DIAPH3: variants seen among roughly 807,000 people sequenced by gnomAD.
DIAPH3 encodes the protein diaphanous related formin 3, also known as protein diaphanous homolog 3.
A neutral mutation model predicts 144.3 loss-of-function variants in DIAPH3; 117 were observed. That is an observed-to-expected ratio of 0.81 (90% CI 0.70 to 0.95). The LOEUF is 0.95. DIAPH3 is among the 40% of genes least tolerant of loss of function. DIAPH3 has a pLI of 0.00. For synonymous variants in DIAPH3, 519 were observed against 488.9 expected (o/e 1.06, Z -0.81); for missense variants, 1,421 against 1,412.7 (o/e 1.01, Z -0.09).
intron 21 of DIAPH3, among the ~76,000 whole-genome samples, chr13:59,865,995 G>A (rs1264231600): frequency 6.6e-6 from 1 of 151,928 alleles, no homozygotes; most frequent in Non-Finnish European, 1.5e-5. Flanking sequence ...ATCTAGGTAT[G>A]TATCAAAGCA....
At chr13:60,037,388 T>C (rs1392726501) in intron 5 of DIAPH3, among the ~76,000 whole-genome samples, 17 of 151,894 alleles carry the variant, frequency 1.1e-4, no homozygotes, top group Admixed American at 7.9e-4. Flanking sequence ...AGAAAACAGA[T>C]ACACTGAAAT....
chr13:59,737,079 G>T (rs937972295), intron 27 of DIAPH3, among the ~76,000 whole-genome samples: 1 of 152,082 alleles, frequency 6.6e-6, no homozygotes, highest in African/African-American at 2.4e-5. Context: ...TACCATTCAG[G>T]ACATAAGCAC....
chr13:59,938,022 A>C (rs572111839), intron 17 of DIAPH3, among the ~76,000 whole-genome samples: 4 of 152,166 alleles, frequency 2.6e-5, no homozygotes, highest in Admixed American at 2.0e-4. Context: ...TTGATAGCTC[A>C]GTTGGGAATT....
chr13:59,683,763 A>T (rs929935749), intron 27 of DIAPH3, among the ~76,000 whole-genome samples: 2 of 152,136 alleles, frequency 1.3e-5, no homozygotes, highest in African/African-American at 4.8e-5. Context: ...ACTGAGGTTA[A>T]CCTCTTTTTA....
At chr13:59,884,176 C>A (rs137940624) in intron 20 of DIAPH3, among the ~76,000 whole-genome samples, 2 of 152,070 alleles carry the variant, frequency 1.3e-5, no homozygotes, top group African/African-American at 4.8e-5. Flanking sequence ...GAACTATGCA[C>A]GCAAAAGATC....
At chr13:59,805,582 A>G (rs2040147460) in intron 25 of DIAPH3, among the ~76,000 whole-genome samples, 1 of 152,010 alleles carries the variant, frequency 6.6e-6, no homozygotes, top group African/African-American at 2.4e-5. Context: ...AAATAAAGAC[A>G]TCATGAAAAT....
chr13:60,074,879 T>C (rs1274885788), intron 4 of DIAPH3, among the ~76,000 whole-genome samples: 1 of 152,178 alleles, frequency 6.6e-6, no homozygotes, highest in Non-Finnish European at 1.5e-5. Context: ...CTTAATCATG[T>C]CTCTATTGAT....
intron 24 of DIAPH3, among the ~76,000 whole-genome samples, chr13:59,823,380 T>C (rs1042259985): frequency 2.0e-5 from 3 of 152,146 alleles, no homozygotes; most frequent in Non-Finnish European, 4.4e-5. Flanking sequence ...TAAAGGATAA[T>C]AAGAAAAACA....
At chr13:59,853,711 C>T (rs2043107131) in intron 22 of DIAPH3, among the ~76,000 whole-genome samples, 1 of 152,106 alleles carries the variant, frequency 6.6e-6, no homozygotes, top group Non-Finnish European at 1.5e-5. Flanking sequence ...AATACAAAGG[C>T]ATACAATAAT....
intron 20 of DIAPH3, among the ~76,000 whole-genome samples, chr13:59,909,689 TCAA>T (rs2046901967): frequency 1.3e-5 from 2 of 152,166 alleles, no homozygotes; most frequent in Non-Finnish European, 2.9e-5. Flanking sequence ...AGGATGTTTT[TCAA>T]CAACGTTATT....
chr13:60,143,086 T>C (rs141748418), intron 1 of DIAPH3, among the ~76,000 whole-genome samples: 23 of 152,196 alleles, frequency 1.5e-4, no homozygotes, highest in African/African-American at 5.5e-4. Context: ...CTTTCCTAAA[T>C]AATCCTCACC....
At chr13:59,693,718 A>G (rs539384445) in intron 27 of DIAPH3, among the ~76,000 whole-genome samples, 1 of 152,262 alleles carries the variant, frequency 6.6e-6, no homozygotes, top group South Asian at 2.1e-4. Context: ...AGAGAAAGAA[A>G]ATTATTGTAA....
rs975869708 is a variant in DIAPH3 at position 60,093,561 on chromosome 13, A to G, written c.495+67T>C. 7.4e-6 allele frequency: 8 copies of G among 1,081,398 alleles called. No homozygotes were observed. The African/African-American group carries it at 1.2e-4, about 17-fold the overall frequency. 67.0% of individuals were successfully genotyped at this position (1,081,398 alleles called of 1,614,324 possible). On this transcript the variant is annotated intron_variant, in intron 4 of 27. Coordinates refer to ENST00000400324, the MANE Select transcript of DIAPH3 (RefSeq NM_001042517.2). Reference sequence around the variant, plus strand: ...CCCACAAACTTAAGTACTTCATTAGATAAATGTGCTGTTTTCCATGTTAAA... The same window carrying G: ...CCCACAAACTTAAGTACTTCATTAGGTAAATGTGCTGTTTTCCATGTTAAA...
At chr13:59,867,807 G>C (rs941257786) in intron 21 of DIAPH3, among the ~76,000 whole-genome samples, 1 of 152,084 alleles carries the variant, frequency 6.6e-6, no homozygotes, top group African/African-American at 2.4e-5. Context: ...ACTATTTTCA[G>C]TTCTTTTAGT....
At chr13:59,873,572 T>C (rs2044410490) in intron 21 of DIAPH3, among the ~76,000 whole-genome samples, 1 of 152,140 alleles carries the variant, frequency 6.6e-6, no homozygotes, top group African/African-American at 2.4e-5. Context: ...TTCCACTATG[T>C]GCCTGAAATT....
chr13:59,913,539 T>G (rs1378152217), intron 19 of DIAPH3, among the ~76,000 whole-genome samples: 1 of 152,158 alleles, frequency 6.6e-6, no homozygotes, highest in Non-Finnish European at 1.5e-5. Flanking sequence ...GCATACTCCC[T>G]CAACATATTC....
At chr13:59,958,266 G>C (rs1019624791) in intron 17 of DIAPH3, among the ~76,000 whole-genome samples, 1 of 152,056 alleles carries the variant, frequency 6.6e-6, no homozygotes, top group Non-Finnish European at 1.5e-5. Context: ...TATTAGGTCT[G>C]CGTAACATTT....
chr13:60,065,920 T>C (rs1421865172), intron 4 of DIAPH3, among the ~76,000 whole-genome samples: 1 of 152,172 alleles, frequency 6.6e-6, no homozygotes, highest in Non-Finnish European at 1.5e-5. Context: ...GGATGATATA[T>C]TTCAGAATGA....
chr13:60,072,952 C>T (rs2057261143), intron 4 of DIAPH3, among the ~76,000 whole-genome samples: 1 of 152,046 alleles, frequency 6.6e-6, no homozygotes, highest in Admixed American at 6.5e-5. Flanking sequence ...TTATGGATGG[C>T]TTGCATTTTG....
Sources: gnomAD v4.1 joint callset for allele counts (sites outside exome capture counted in the v4.1 genomes callset) on GRCh38, gnomAD v4.1.1 for gene constraint, MANE v1.5 for transcripts, NCBI Gene and HGNC (gene_info 2026-07-23, HGNC 2026-07-21) for gene names.